EVA1C: variants seen among roughly 807,000 people sequenced by gnomAD.
The protein encoded by EVA1C is eva-1 homolog C.
Under a neutral mutation model 45.4 loss-of-function variants are expected in EVA1C, and 25 were observed. That is an observed-to-expected ratio of 0.55 (90% CI 0.40 to 0.77). EVA1C has a LOEUF of 0.77. EVA1C is among the 30% of genes least tolerant of loss of function. EVA1C has a pLI of 0.00. For synonymous variants in EVA1C, 190 were observed against 221.2 expected, an observed-to-expected ratio of 0.86 and a Z score of 1.25; for missense variants, 479 against 554.8, an observed-to-expected ratio of 0.86 and a Z score of 1.37.
chr21:32,484,308 C>T (rs895378746), intron 4 of EVA1C, among the ~76,000 whole-genome samples: 1 of 151,822 alleles, frequency 6.6e-6, no homozygotes, highest in African/African-American at 2.4e-5. Flanking sequence ...TTTGGGAGGC[C>T]GAGGTGGGTG....
At chr21:32,484,019 G>A (rs1473365482) in intron 4 of EVA1C, among the ~76,000 whole-genome samples, 2 of 150,566 alleles carry the variant, frequency 1.3e-5, no homozygotes, top group African/African-American at 4.9e-5. Flanking sequence ...TATTTAAATT[G>A]TCCTTCCCTC....
intron 7 of EVA1C, among the ~76,000 whole-genome samples, chr21:32,505,517 C>G (rs1303527007): frequency 6.6e-6 from 1 of 152,188 alleles, no homozygotes. Context: ...TGTGGCCTTG[C>G]TGTGTGCTTT....
At chr21:32,416,164 C>T (rs1317061922) in intron 1 of EVA1C, among the ~76,000 whole-genome samples, 1 of 151,680 alleles carries the variant, frequency 6.6e-6, no homozygotes, top group Non-Finnish European at 1.5e-5. Flanking sequence ...TTCAGTGTGT[C>T]TCTTGTATTT....
intron 7 of EVA1C, among the ~76,000 whole-genome samples, chr21:32,506,126 G>A (rs1404107287): frequency 1.3e-5 from 2 of 151,642 alleles, no homozygotes; most frequent in Non-Finnish European, 2.9e-5. Context: ...ATCCTTTTAT[G>A]TGATTGTCAT....
At chr21:32,471,586 A>AC in intron 4 of EVA1C, among the ~76,000 whole-genome samples, 1 of 151,606 alleles carries the variant, frequency 6.6e-6, no homozygotes, top group Admixed American at 6.6e-5. Flanking sequence ...CTGGCCTCCC[A>AC]AAATGCTGGG....
chr21:32,470,785 G>A (rs1385495164), intron 4 of EVA1C, among the ~76,000 whole-genome samples: 3 of 149,118 alleles, frequency 2.0e-5, no homozygotes, highest in Non-Finnish European at 3.0e-5. Context: ...TTGAGATGGA[G>A]TCTCCCTCTG....
intron 4 of EVA1C, among the ~76,000 whole-genome samples, chr21:32,482,860 T>TC (rs1353155951): frequency 2.1e-4 from 1 of 4,754 alleles, no homozygotes; most frequent in East Asian, 5.2e-3. Context: ...TTCCCTTTTT[T>TC]TTTTTTTTTT....
At chr21:32,453,911 T>G (rs2035683469) in intron 2 of EVA1C, among the ~76,000 whole-genome samples, 1 of 152,198 alleles carries the variant, frequency 6.6e-6, no homozygotes, top group African/African-American at 2.4e-5. Context: ...GGCAGACATC[T>G]GAAGTCATGA....
chr21:32,491,017 T>C (rs58046620), intron 4 of EVA1C, among the ~76,000 whole-genome samples: 1 of 152,162 alleles, frequency 6.6e-6, no homozygotes, highest in Non-Finnish European at 1.5e-5. Flanking sequence ...CTAGTCTGGA[T>C]AGCGACAAAT....
At chr21:32,502,623 T>C (rs577124214) in intron 6 of EVA1C, among the ~76,000 whole-genome samples, 30 of 152,162 alleles carry the variant, frequency 2.0e-4, no homozygotes, top group Non-Finnish European at 4.3e-4. Flanking sequence ...CCCCTAAGTA[T>C]AAAAGTAAAG....
intron 4 of EVA1C, among the ~76,000 whole-genome samples, chr21:32,476,589 C>T (rs377130131): frequency 1.8e-4 from 28 of 152,092 alleles, no homozygotes; most frequent in African/African-American, 6.7e-4. Context: ...TGTGGTGAGC[C>T]GAGATCGCGC....
chr21:32,474,426 G>A lies in EVA1C; in HGVS notation c.634+6578G>A, dbSNP rs78472820. 0.08 allele frequency among the ~76,000 whole-genome samples: 12,240 copies of A among 152,158 alleles called. 588 individuals carry two copies. The highest frequency in any genetic ancestry group is 0.19 in the Middle Eastern group (56 of 294). ...CTGGACTGTGCTCACCCCATATCTTGTGTGGCTGGCTTTGCCACACAAGAC... is the reference window on the plus strand; with the variant it reads ...CTGGACTGTGCTCACCCCATATCTTATGTGGCTGGCTTTGCCACACAAGAC... On this transcript the variant is annotated intron_variant, in intron 4 of 7. Coordinates refer to ENST00000300255, the MANE Select transcript of EVA1C (RefSeq NM_058187.5). This position sits in a 1 kb window ranked among gnomAD's most constrained non-coding sequence, Gnocchi z 4.4.
At chr21:32,450,488 G>A (rs1019346397) in intron 1 of EVA1C, among the ~76,000 whole-genome samples, 1 of 114,172 alleles carries the variant, frequency 8.8e-6, no homozygotes, top group Non-Finnish European at 1.8e-5. Context: ...GTGGTCAGCT[G>A]CTTATTTATT....
rs755824009 is a variant in EVA1C at position 32,457,547 on chromosome 21, T to C, written c.358-50T>C. 3.7e-6 allele frequency: 6 copies of C among 1,612,352 alleles called. No homozygotes were observed. The East Asian group carries it at 1.1e-4, about 30-fold the overall frequency. On this transcript the variant is annotated intron_variant, in intron 2 of 7. Transcript: ENST00000300255. ...AGCAGCCCAGGTTCGGGTCTGGCAG[T>C]CACTGTGAGCAGTTTTCAAGCCTGT...
At position 32,450,752 on chromosome 21, in the gene EVA1C, G is replaced by A. The variant is rs187355453; in HGVS notation, c.161-2560G>A. Among the ~76,000 whole-genome samples, 10 of 152,252 alleles carry A rather than the reference G, an allele frequency of 6.6e-5. No homozygotes were observed. In the East Asian group the frequency reaches 1.9e-3, roughly 30 times the overall value. The stretch of plus-strand genomic sequence containing the variant: ...GGCCTGCCTGTGTGCCAGGCGGGAA[G>A]ACACTGACCAGAGGCCCAGGGCCAC... On this transcript the variant is annotated intron_variant, in intron 1 of 7. Coordinates refer to ENST00000300255, the MANE Select transcript of EVA1C (RefSeq NM_058187.5).
chr21:32,495,324 T>C (rs1033111676), intron 5 of EVA1C, among the ~76,000 whole-genome samples, 154 bp downstream of exon 5: 1 of 152,182 alleles, frequency 6.6e-6, no homozygotes, highest in Non-Finnish European at 1.5e-5. Context: ...GCCCTTTTTT[T>C]CTTTCTTATT....
At chr21:32,423,398 T>G (rs1200643756) in intron 1 of EVA1C, among the ~76,000 whole-genome samples, 2 of 152,148 alleles carry the variant, frequency 1.3e-5, no homozygotes, top group African/African-American at 4.8e-5. Context: ...AGGTACCAGA[T>G]GCTGTGCTAG....
intron 3 of EVA1C, among the ~76,000 whole-genome samples, chr21:32,467,030 A>G (rs551257633): frequency 2.0e-4 from 30 of 152,194 alleles, no homozygotes; most frequent in African/African-American, 6.3e-4. Context: ...ATTCCCAGGT[A>G]CTTGAGAAAC....
intron 1 of EVA1C, among the ~76,000 whole-genome samples, chr21:32,430,393 T>A (rs1467765706): frequency 6.6e-6 from 1 of 152,144 alleles, no homozygotes; most frequent in Admixed American, 6.5e-5. Flanking sequence ...CTCATCCAAA[T>A]TCCTTTCTGC....
Sources: gnomAD v4.1 joint callset for allele counts (sites outside exome capture counted in the v4.1 genomes callset) on GRCh38, gnomAD v4.1.1 for gene constraint, Gnocchi (gnomAD v3.1) non-coding constraint, MANE v1.5 for transcripts, NCBI Gene and HGNC (gene_info 2026-07-23, HGNC 2026-07-21) for gene names.